MEGF11: variants seen among roughly 807,000 people sequenced by gnomAD.
The protein encoded by MEGF11 is multiple EGF like domains 11.
A neutral mutation model predicts 146.6 loss-of-function variants in MEGF11; 126 were observed. The ratio of observed to expected loss-of-function variants is 0.86; its 90% confidence interval spans 0.74 to 1.00. MEGF11 has a LOEUF of 1.00. Among genes scored for constraint, MEGF11 ranks in the 50% least tolerant of loss-of-function variants. MEGF11 has a pLI of 0.00. For synonymous variants in MEGF11, 532 were observed against 583.4 expected (o/e 0.91, Z 1.27); for missense variants, 1,509 against 1,521.2 (o/e 0.99, Z 0.13).
intron 5 of MEGF11, among the ~76,000 whole-genome samples, chr15:66,083,200 C>T (rs748501338): frequency 1.3e-5 from 2 of 152,164 alleles, no homozygotes; most frequent in Non-Finnish European, 2.9e-5. Context: ...ACCAGGCCTC[C>T]CCAGGAGCAC....
chr15:65,916,622 T>G (rs997648486), intron 17 of MEGF11: 19 of 930,894 alleles, frequency 2.0e-5, no homozygotes, highest in Non-Finnish European at 3.0e-5. Context: ...CTTCCAGGAC[T>G]TTGGGCTTGT....
intron 9 of MEGF11, among the ~76,000 whole-genome samples, chr15:65,963,583 G>GTAT (rs1205891134): frequency 6.6e-6 from 1 of 152,202 alleles, no homozygotes; most frequent in African/African-American, 2.4e-5. Context: ...GTATTGTCTT[G>GTAT]TATTTGAAGA....
intron 1 of MEGF11, among the ~76,000 whole-genome samples, chr15:66,246,181 C>T (rs2414900): frequency 0.078 from 11,793 of 152,150 alleles, 539 homozygotes; most frequent in Non-Finnish European, 0.092. Flanking sequence ...TGCTTGAACC[C>T]GAGAGGGAGA....
chr15:66,108,304 G>T (rs1184175972), intron 4 of MEGF11, among the ~76,000 whole-genome samples: 1 of 152,186 alleles, frequency 6.6e-6, no homozygotes, highest in Non-Finnish European at 1.5e-5. Flanking sequence ...GAATAGAGTG[G>T]ATTGAAGGTG....
chr15:66,022,951 G>A (rs1451442284), intron 5 of MEGF11, among the ~76,000 whole-genome samples: 14 of 151,688 alleles, frequency 9.2e-5, no homozygotes, highest in Admixed American at 7.2e-4. Context: ...TCAGGAGTTC[G>A]AGACCAGCCT....
At chr15:66,220,850 A>T (rs969257482) in intron 1 of MEGF11, among the ~76,000 whole-genome samples, 1 of 152,142 alleles carries the variant, frequency 6.6e-6, no homozygotes, top group Non-Finnish European at 1.5e-5. Context: ...GGAGTCGCCA[A>T]GAGTTTTAAA....
chr15:65,944,045 A>G (rs1012007601), intron 10 of MEGF11, among the ~76,000 whole-genome samples: 1 of 152,194 alleles, frequency 6.6e-6, no homozygotes, highest in African/African-American at 2.4e-5. Context: ...AATGCGGTGC[A>G]TTCACATTTT....
At chr15:66,248,972 A>G (rs1385911384) in intron 1 of MEGF11, among the ~76,000 whole-genome samples, 1 of 152,258 alleles carries the variant, frequency 6.6e-6, no homozygotes, top group Non-Finnish European at 1.5e-5. Flanking sequence ...GTTTAGGAGA[A>G]CAACTCTTTT....
rs746464792 is a variant in MEGF11, at chr15:65,916,831, G to A, written c.2212C>T (p.Gln738Ter). ...TPGWTGLFCT[Q>*]RCPAAFFGKD... The stretch of plus-strand genomic sequence containing the variant: ...GAGGCCAGGAGGTGGGGCTTACGCT[G>A]TGTGCAGAAGAGTCCAGTCCAGCCA... The change falls in exon 17 of 26, where the codon CAG (glutamine) becomes TAG (stop). Residue 738 changes from glutamine to a stop codon, truncating the protein, a stop_gained. Transcript: ENST00000395614. LOFTEE classifies it high-confidence loss of function. 1.2e-6 allele frequency: 2 copies of A among 1,606,018 alleles called. No homozygotes were observed. The highest frequency in any genetic ancestry group is 1.7e-6 in the Non-Finnish European group (2 of 1,174,754).
chr15:65,920,631 A>G (rs973176946), intron 15 of MEGF11, among the ~76,000 whole-genome samples: 3 of 152,224 alleles, frequency 2.0e-5, no homozygotes, highest in Admixed American at 2.0e-4. Flanking sequence ...AGTAAGGCAA[A>G]GAGAGGGGCA....
At chr15:66,201,431 CA>C (rs1340940418) in intron 1 of MEGF11, among the ~76,000 whole-genome samples, 3 of 151,988 alleles carry the variant, frequency 2.0e-5, no homozygotes, top group African/African-American at 4.8e-5. Context: ...TAGGAGACAC[CA>C]GGGGGAAGAA....
chr15:66,187,944 G>A (rs979041344), intron 1 of MEGF11, among the ~76,000 whole-genome samples: 14 of 152,190 alleles, frequency 9.2e-5, no homozygotes, highest in Admixed American at 7.9e-4. Flanking sequence ...GGATAAAGGG[G>A]TATCTCGTCT....
Position 65,930,845 on chromosome 15 carries a change from A to T in MEGF11, c.1386T>A (p.Asp462Glu). 1.2e-6 allele frequency: 2 copies of T among 1,611,016 alleles called. No individual in the cohort carries two copies. The highest frequency in any genetic ancestry group is 1.7e-6 in the Non-Finnish European group (2 of 1,178,472). ...TACCTTCCTTGCAGGTACAGGAGCC[A>T]TCTACTGGGGAGCAGGTGCCACCAT... ...CNNGGTCSPV[D>E]GSCTCKEGWQ... The change falls in exon 11 of 26, where the codon GAT (aspartate) becomes GAA (glutamate). Residue 462 changes from aspartate to glutamate, a missense_variant. Asp to Glu is a conservative substitution (Grantham distance 45). Transcript: ENST00000395614.
intron 3 of MEGF11, among the ~76,000 whole-genome samples, chr15:66,119,660 G>A (rs1368347628): frequency 6.6e-6 from 1 of 151,914 alleles, no homozygotes; most frequent in Non-Finnish European, 1.5e-5. Flanking sequence ...CTGAGGCAGA[G>A]TCAGCAAAAG....
chr15:66,111,828 A>G (rs1265927140), intron 4 of MEGF11, among the ~76,000 whole-genome samples: 2 of 152,240 alleles, frequency 1.3e-5, no homozygotes, highest in Non-Finnish European at 2.9e-5. Flanking sequence ...CATCGTGAAT[A>G]TACTAAATGC....
intron 1 of MEGF11, among the ~76,000 whole-genome samples, chr15:66,210,267 C>G (rs571490891): frequency 1.0e-3 from 156 of 152,296 alleles, no homozygotes; most frequent in African/African-American, 3.6e-3. Context: ...ACAAATATCT[C>G]GAAACAGGAC....
intron 1 of MEGF11, among the ~76,000 whole-genome samples, chr15:66,225,393 G>C (rs1490339937): frequency 2.6e-5 from 4 of 152,264 alleles, no homozygotes; most frequent in African/African-American, 7.2e-5. Context: ...TGAGGATGCT[G>C]TTCTCCGTAG....
chr15:66,008,827 G>GA (rs35381735), intron 5 of MEGF11, among the ~76,000 whole-genome samples: 108,539 of 143,988 alleles, frequency 0.75, 41,338 homozygotes, highest in Middle Eastern at 0.89. Flanking sequence ...CTGTCTCTTA[G>GA]AAAAAAAAAA....
At chr15:65,925,140 AAC>A (rs1436978624) in intron 13 of MEGF11, among the ~76,000 whole-genome samples, 1 of 152,220 alleles carries the variant, frequency 6.6e-6, no homozygotes, top group Non-Finnish European at 1.5e-5. Context: ...GTGTTCATAA[AAC>A]ACAGTGTATG....
Sources: allele counts gnomAD v4.1 joint callset (sites outside exome capture counted in the v4.1 genomes callset), GRCh38; gene constraint gnomAD v4.1.1; transcripts MANE v1.5; gene names NCBI Gene and HGNC (gene_info 2026-07-23, HGNC 2026-07-21).